The following DLST variants were observed in gnomAD, a reference collection of about 807,000 sequenced individuals.
The protein encoded by DLST is dihydrolipoyllysine-residue succinyltransferase component of 2-oxoglutarate dehydrogenase complex, mitochondrial.
Under a neutral mutation model 53.1 loss-of-function variants are expected in DLST, and 17 were observed. The ratio of observed to expected loss-of-function variants is 0.32; its 90% confidence interval spans 0.22 to 0.48. DLST has a LOEUF of 0.48. DLST is among the 20% of genes least tolerant of loss of function. The pLI is 0.99. For synonymous variants in DLST, 206 were observed against 204.8 expected (o/e 1.01, Z -0.05); for missense variants, 512 against 583.9 (o/e 0.88, Z 1.27).
At chr14:74,901,692 G>A (rs1234964019) in intron 14 of DLST, among the ~76,000 whole-genome samples, 2 of 152,168 alleles carry the variant, frequency 1.3e-5, no homozygotes, top group Admixed American at 6.5e-5. Context: ...TAGAAGATAC[G>A]TTGGTATCAA....
intron 1 of DLST, 152 bp downstream of exon 1, chr14:74,882,168 G>T (rs1353052357): frequency 3.1e-6 from 2 of 641,838 alleles, no homozygotes; most frequent in Non-Finnish European, 4.4e-6. Flanking sequence ...GCCCGGGGCC[G>T]TGGTTGCCCT....
chr14:74,900,154 T>A (rs892242129), intron 12 of DLST, 135 bp from the exon 13 acceptor site: 1 of 1,104,752 alleles, frequency 9.1e-7, no homozygotes, highest in African/African-American at 1.5e-5. Context: ...CCGCATTCTT[T>A]TAACACTTTC....
chr14:74,884,424 G>C (rs1429667098), intron 2 of DLST, among the ~76,000 whole-genome samples: 1 of 152,186 alleles, frequency 6.6e-6, no homozygotes, highest in Non-Finnish European at 1.5e-5. Context: ...CCTTGCACTT[G>C]GGGATTTGCA....
intron 6 of DLST, 62 bp downstream of exon 6, chr14:74,890,014 G>T: frequency 1.4e-6 from 2 of 1,427,532 alleles, no homozygotes; most frequent in Non-Finnish European, 1.9e-6. Flanking sequence ...CCTAATGAAA[G>T]AAACAGGGAC....
rs755271523 is a variant in DLST at position 74,891,077 on chromosome 14, C to T, written c.352C>T (p.Pro118Ser). Residue 118 changes from proline (P) to serine (S), a missense_variant, in exon 7 of 15, where the codon CCA (proline) becomes TCA (serine). Physicochemically the swap from Pro to Ser is moderately conservative, Grantham distance 74 (BLOSUM62 -1). Coordinates refer to ENST00000334220, the MANE Select transcript of DLST (RefSeq NM_001933.5). Reference protein sequence around the residue: ...TDKTSVQVPSPANGVIEALLV... With the variant: ...TDKTSVQVPSSANGVIEALLV... ...CCAGACATCTGTGCAGGTTCCATCA[C>T]CAGCAAATGGCGTGATTGAAGCTCT... The T allele has an allele frequency of 1.2e-6, 2 of 1,613,322 alleles. No homozygotes were observed. Among genetic ancestry groups the T allele is most frequent in the Admixed American group, 3.3e-5 (2 of 60,006 alleles).
At chr14:74,883,518 C>T (rs920563698) in intron 2 of DLST, among the ~76,000 whole-genome samples, 1 of 152,000 alleles carries the variant, frequency 6.6e-6, no homozygotes, top group African/African-American at 2.4e-5. Flanking sequence ...TAGATTTTAT[C>T]CTAGCAGTTA....
rs1883888877 is a variant in DLST at position 74,891,087 on chromosome 14, G to A, written c.362G>A (p.Gly121Asp). 6.2e-7 allele frequency: 1 copy of A among 1,613,640 alleles called. No homozygotes were observed. The highest frequency in any genetic ancestry group is 8.5e-7 in the Non-Finnish European group (1 of 1,179,972). ...TSVQVPSPAN[G>D]VIEALLVPDG... ...GTGCAGGTTCCATCACCAGCAAATG[G>A]CGTGATTGAAGCTCTTTTGGTACCT... The change falls in exon 7 of 15, where the codon GGC becomes GAC. Residue 121 changes from glycine to aspartate, a missense_variant. Gly to Asp is a moderately conservative substitution (Grantham distance 94, BLOSUM62 -1). Coordinates refer to ENST00000334220, the MANE Select transcript of DLST (RefSeq NM_001933.5).
At chr14:74,882,094 C>T in intron 1 of DLST, 78 bp downstream of exon 1, 1 of 1,303,502 alleles carries the variant, frequency 7.7e-7, no homozygotes, top group Non-Finnish European at 9.9e-7. Context: ...AAGGCAGGGG[C>T]GCGGCGCGCC....
Position 74,891,179 on chromosome 14 carries a change from C to T in DLST, c.442+12C>T, listed in dbSNP as rs1220546608. On this transcript the variant is annotated intron_variant, in intron 7 of 14. Transcript: ENST00000334220. ...CAGGAAAACTGGTGGTAAAGAAGTTCTCCTGGTGGTCAAGGTCTCCAGTGT... is the reference window on the plus strand; with the variant it reads ...CAGGAAAACTGGTGGTAAAGAAGTTTTCCTGGTGGTCAAGGTCTCCAGTGT... The T allele has an allele frequency of 6.2e-7, 1 of 1,613,892 alleles. No individual in the cohort carries two copies. Among genetic ancestry groups the T allele is most frequent in the African/African-American group, 1.3e-5 (1 of 74,920 alleles).
chr14:74,894,199 T>TAC (rs1265263324), intron 9 of DLST, 113 bp from the exon 10 acceptor site: 29 of 1,231,158 alleles, frequency 2.4e-5, no homozygotes, highest in Non-Finnish European at 3.1e-5. Context: ...TGTACTTAGA[T>TAC]ACTGTAGTCC....
At chr14:74,882,763 A>G (rs1883571460) in intron 2 of DLST, 139 bp downstream of exon 2, 2 of 748,000 alleles carry the variant, frequency 2.7e-6, no homozygotes, top group Admixed American at 4.5e-5. Context: ...ATGCTACATA[A>G]TCACGAGCTA....
chr14:74,895,445 A>C (rs1326611539), intron 10 of DLST, among the ~76,000 whole-genome samples: 1 of 152,202 alleles, frequency 6.6e-6, no homozygotes, highest in Non-Finnish European at 1.5e-5. Flanking sequence ...TATACAGAGT[A>C]CTGTACTGTG....
chr14:74,894,193 C>T, intron 9 of DLST, 119 bp from the exon 10 acceptor site: 1 of 1,182,978 alleles, frequency 8.5e-7, no homozygotes, highest in Middle Eastern at 2.9e-4. Context: ...AGCTCGTGTA[C>T]TTAGATACTG....
intron 10 of DLST, among the ~76,000 whole-genome samples, chr14:74,895,189 T>C (rs1392345068): frequency 1.3e-5 from 2 of 152,140 alleles, no homozygotes; most frequent in Non-Finnish European, 2.9e-5. Context: ...CAGAATCGAG[T>C]GGATGAAAAG....
At chr14:74,895,488 G>C (rs536740107) in intron 10 of DLST, among the ~76,000 whole-genome samples, 1 of 152,334 alleles carries the variant, frequency 6.6e-6, no homozygotes, top group Admixed American at 6.5e-5. Flanking sequence ...GGGCACCATG[G>C]CTCGTGCCTA....
chr14:74,902,234 T>C lies in DLST; in HGVS notation c.1266T>C (p.Tyr422=), dbSNP rs1457159056. 2 of 1,612,666 alleles carry C rather than the reference T, an allele frequency of 1.2e-6. No individual in the cohort carries two copies. Among genetic ancestry groups the C allele is most frequent in the Admixed American group, 1.7e-5 (1 of 59,838 alleles). The change falls in exon 15 of 15, where the codon TAT becomes TAC. Residue 422 remains tyrosine (Y), a synonymous_variant. Transcript: ENST00000334220. The part of the protein sequence containing the change: ...VRPMMYVALT[Y]DHRLIDGREA... Reference sequence around the variant, plus strand: ...CCATGATGTACGTGGCACTGACCTATGATCACCGGCTGATTGATGGCAGAG... The same window carrying C: ...CCATGATGTACGTGGCACTGACCTACGATCACCGGCTGATTGATGGCAGAG...
intron 10 of DLST, among the ~76,000 whole-genome samples, chr14:74,895,118 T>G (rs373308258): frequency 6.6e-6 from 1 of 152,116 alleles, no homozygotes; most frequent in Admixed American, 6.5e-5. Context: ...CCCCAGCTAC[T>G]TGGGGGGCTG....
chr14:74,885,830 T>A (rs1237679398), intron 3 of DLST, 196 bp downstream of exon 3: 1 of 552,784 alleles, frequency 1.8e-6, no homozygotes, highest in East Asian at 3.2e-5. Flanking sequence ...CGTGTCAGGT[T>A]TTGGACTGGG....
At chr14:74,891,670 G>T in intron 7 of DLST, 1 of 983,992 alleles carries the variant, frequency 1.0e-6, no homozygotes, top group Non-Finnish European at 1.2e-6. Context: ...AATTTGTACT[G>T]GACCTGATAG....
Sources: gnomAD v4.1 joint callset for allele counts (sites outside exome capture counted in the v4.1 genomes callset) on GRCh38, gnomAD v4.1.1 for gene constraint, MANE v1.5 for transcripts, NCBI Gene and HGNC (gene_info 2026-07-23, HGNC 2026-07-21) for gene names.